Variants in TMEM132D observed in about 807,000 individuals in gnomAD.
The protein encoded by TMEM132D is transmembrane protein 132D, also known as mature OL transmembrane protein.
In TMEM132D, 21 loss-of-function variants were observed where a neutral mutation model predicts 62.3. The ratio of observed to expected loss-of-function variants is 0.34; its 90% confidence interval spans 0.24 to 0.49. The LOEUF (loss-of-function observed/expected upper bound fraction) is 0.49, where lower values mean the gene tolerates loss of function less well. Ranked by LOEUF, TMEM132D falls within the 20% of genes least tolerant of loss-of-function variation. The probability of loss-of-function intolerance (pLI) is 0.99; values close to 1 mark genes in which losing one functional copy is unlikely to be tolerated. For missense variants in TMEM132D, 1,346 were observed against 1,402.8 expected (o/e 0.96, Z 0.65); for synonymous variants, 621 against 575.6 (o/e 1.08, Z -1.13).
chr12:129,720,013 G>A (rs1219400406), intron 1 of TMEM132D, among the ~76,000 whole-genome samples: 1 of 151,832 alleles, frequency 6.6e-6, no homozygotes, highest in Non-Finnish European at 1.5e-5. Context: ...TCAAGATCAA[G>A]AATACAGTAA....
chr12:129,319,430 G>A (rs1868608070), intron 4 of TMEM132D, among the ~76,000 whole-genome samples: 1 of 152,218 alleles, frequency 6.6e-6, no homozygotes, highest in South Asian at 2.1e-4. Flanking sequence ...CACTTTCACA[G>A]TTGGGGCACC....
chr12:129,338,262 G>T (rs1869357192), intron 3 of TMEM132D, among the ~76,000 whole-genome samples: 1 of 152,158 alleles, frequency 6.6e-6, no homozygotes, highest in Non-Finnish European at 1.5e-5. Flanking sequence ...ATGTCTGAGG[G>T]TGACACAGTT....
intron 3 of TMEM132D, among the ~76,000 whole-genome samples, chr12:129,393,274 TTGAATGAGTGAG>T (rs1230984737): frequency 1.3e-5 from 2 of 152,184 alleles, no homozygotes; most frequent in African/African-American, 2.4e-5. Context: ...TACACATTGG[TTGAATGAGTGAG>T]TGAATGAGTG....
At chr12:129,452,906 G>A (rs576593925) in intron 3 of TMEM132D, among the ~76,000 whole-genome samples, 59 of 152,246 alleles carry the variant, frequency 3.9e-4, no homozygotes, top group Non-Finnish European at 4.7e-4. Context: ...ATCCAGACAG[G>A]TTGTAGATCA....
chr12:129,633,886 G>C (rs1879412847), intron 2 of TMEM132D, among the ~76,000 whole-genome samples: 1 of 152,106 alleles, frequency 6.6e-6, no homozygotes, highest in Non-Finnish European at 1.5e-5. Context: ...TCATTCCAAT[G>C]CAGTTAAGCC....
intron 3 of TMEM132D, among the ~76,000 whole-genome samples, chr12:129,433,848 G>T (rs1872723791): frequency 6.6e-6 from 1 of 152,172 alleles, no homozygotes; most frequent in Non-Finnish European, 1.5e-5. Context: ...CATGGCAGGA[G>T]TGCATCTGAG....
At chr12:129,455,611 A>G (rs1413719688) in intron 3 of TMEM132D, among the ~76,000 whole-genome samples, 2 of 152,226 alleles carry the variant, frequency 1.3e-5, no homozygotes, top group Non-Finnish European at 2.9e-5. Flanking sequence ...TGGGTATTGT[A>G]TTATTACCAG....
chr12:129,760,504 C>T (rs1870330591), intron 1 of TMEM132D, among the ~76,000 whole-genome samples: 1 of 151,748 alleles, frequency 6.6e-6, no homozygotes, highest in Admixed American at 6.6e-5. Flanking sequence ...GCGCCCGCCT[C>T]CACGCCCGGC....
At chr12:129,075,491 AG>A (rs1417463437) in intron 8 of TMEM132D, among the ~76,000 whole-genome samples, 1 of 152,208 alleles carries the variant, frequency 6.6e-6, no homozygotes. Flanking sequence ...ATTATTTTTA[AG>A]TTGTAATACT....
chr12:129,294,475 C>G (rs1011042), intron 4 of TMEM132D, among the ~76,000 whole-genome samples: 43,259 of 151,756 alleles, frequency 0.29, 6,658 homozygotes, highest in East Asian at 0.46. Context: ...GGCCTCTCAC[C>G]CAGTCTTTCA....
rs183574831 is a variant in TMEM132D, at chr12:129,140,242, A to G, written c.1444-55540T>C. Among the ~76,000 whole-genome samples the G allele has an allele frequency of 1.8e-4, 27 of 151,240 alleles. 1 individual carries two copies. The highest frequency in any genetic ancestry group is 8.9e-5 in the Non-Finnish European group (6 of 67,796). On this transcript the variant is annotated intron_variant, in intron 5 of 8. Transcript: ENST00000422113. Reference sequence around the variant, plus strand: ...CACACACACACACACACACACACACACGGTAACTATGTGAGAAGAGGAATA... The same window carrying G: ...CACACACACACACACACACACACACGCGGTAACTATGTGAGAAGAGGAATA...
chr12:129,290,197 TC>T (rs1022875994), intron 4 of TMEM132D, among the ~76,000 whole-genome samples: 8 of 152,274 alleles, frequency 5.3e-5, no homozygotes, highest in Non-Finnish European at 1.0e-4. Flanking sequence ...TCAATGTTTT[TC>T]CTCACCTCTT....
rs1566048165 is a variant in TMEM132D, at chr12:129,371,402, T to G, written c.1116-33585A>C. Among the ~76,000 whole-genome samples, 1 of 149,746 alleles carries G rather than the reference T, an allele frequency of 6.7e-6. No homozygotes were observed. Among genetic ancestry groups the G allele is most frequent in the African/African-American group, 2.5e-5 (1 of 40,568 alleles). On this transcript the variant is annotated intron_variant, in intron 3 of 8. Transcript: ENST00000422113. This position sits in a 1 kb window ranked among gnomAD's most constrained non-coding sequence, Gnocchi z 4.3. ...GATGATGAATGATGATGGTGGTGAT[T>G]ATGATGATGATGATGGTGATAATGG...
At chr12:129,383,693 C>A (rs1293699083) in intron 3 of TMEM132D, among the ~76,000 whole-genome samples, 1 of 152,184 alleles carries the variant, frequency 6.6e-6, no homozygotes, top group Non-Finnish European at 1.5e-5. Context: ...TCTGCCTTGG[C>A]CTCTTAAAGT....
chr12:129,447,064 C>T (rs1873119715), intron 3 of TMEM132D, among the ~76,000 whole-genome samples: 1 of 152,182 alleles, frequency 6.6e-6, no homozygotes, highest in South Asian at 2.1e-4. Context: ...AGAGCAGAAC[C>T]TGCCCTTCAC....
rs200148903 is a variant in TMEM132D, at chr12:129,279,549, A to AT, written c.1299+58084dup. Reference sequence around the variant, plus strand: ...TTTAATATTTGATTTCCTTAACTTGATTTTTTTTTTTGAGGGGGGTATAAA... The same window carrying AT: ...TTTAATATTTGATTTCCTTAACTTGATTTTTTTTTTTTGAGGGGGGTATAAA... On this transcript the variant is annotated intron_variant, in intron 4 of 8. Transcript: ENST00000422113. Among the ~76,000 whole-genome samples, 481 of 148,138 alleles carry AT rather than the reference A, an allele frequency of 3.2e-3. 1 individual carries two copies. The highest frequency in any genetic ancestry group is 9.4e-3 in the African/African-American group (381 of 40,582).
At chr12:129,323,907 G>GT (rs1285837129) in intron 4 of TMEM132D, among the ~76,000 whole-genome samples, 1 of 40,572 alleles carries the variant, frequency 2.5e-5, no homozygotes, top group Non-Finnish European at 6.2e-5. Flanking sequence ...TAGGAAGTAG[G>GT]TTTTATTTTT....
At chr12:129,745,132 G>A (rs1869734696) in intron 1 of TMEM132D, among the ~76,000 whole-genome samples, 1 of 152,100 alleles carries the variant, frequency 6.6e-6, no homozygotes, top group Non-Finnish European at 1.5e-5. Context: ...CCAGCTGTGT[G>A]GAACTGTGAG....
At chr12:129,465,046 A>G (rs1873838041) in intron 3 of TMEM132D, among the ~76,000 whole-genome samples, 2 of 151,982 alleles carry the variant, frequency 1.3e-5, no homozygotes, top group South Asian at 4.2e-4. Context: ...CATTGAATCT[A>G]TTAATTACCT....
Sources: gnomAD v4.1 joint callset for allele counts (sites outside exome capture counted in the v4.1 genomes callset) on GRCh38, gnomAD v4.1.1 for gene constraint, Gnocchi (gnomAD v3.1) non-coding constraint, MANE v1.5 for transcripts, NCBI Gene and HGNC (gene_info 2026-07-23, HGNC 2026-07-21) for gene names.